PDSS2: variants seen among roughly 807,000 people sequenced by gnomAD.
PDSS2 encodes decaprenyl diphosphate synthase subunit 2.
A neutral mutation model predicts 44.5 loss-of-function variants in PDSS2; 31 were observed. The ratio of observed to expected loss-of-function variants is 0.70; its 90% CI spans 0.52 to 0.94. The LOEUF (loss-of-function observed/expected upper bound fraction) is 0.94, where lower values mean the gene tolerates loss of function less well. PDSS2 is among the 40% of genes least tolerant of loss of function. PDSS2 has a pLI of 0.00. For synonymous variants in PDSS2, 157 were observed against 180.3 expected, an observed-to-expected ratio of 0.87 and a Z score of 1.03; for missense variants, 452 against 482.2, an observed-to-expected ratio of 0.94 and a Z score of 0.59.
intron 1 of PDSS2, among the ~76,000 whole-genome samples, chr6:107,364,942 G>A (rs1384759642): frequency 6.6e-6 from 1 of 152,180 alleles, no homozygotes; most frequent in Non-Finnish European, 1.5e-5. Context: ...TTAAAGTCCT[G>A]GGGGAGGCGG....
intron 2 of PDSS2, among the ~76,000 whole-genome samples, chr6:107,311,786 T>C (rs993416655): frequency 1.3e-5 from 2 of 152,210 alleles, no homozygotes; most frequent in African/African-American, 4.8e-5. Context: ...TGACTGTCCT[T>C]ACCATATAAA....
At chr6:107,373,368 A>C (rs376041115) in intron 1 of PDSS2, among the ~76,000 whole-genome samples, 25 of 149,460 alleles carry the variant, frequency 1.7e-4, no homozygotes, top group African/African-American at 6.1e-4. Context: ...CCAAAAGTTT[A>C]AATAAATAGA....
chr6:107,451,363 T>C (rs1007175049), intron 1 of PDSS2, among the ~76,000 whole-genome samples: 1 of 152,100 alleles, frequency 6.6e-6, no homozygotes, highest in Non-Finnish European at 1.5e-5. Context: ...TCTTGGAAGA[T>C]GTCCGGGATC....
intron 4 of PDSS2, among the ~76,000 whole-genome samples, chr6:107,215,872 C>G (rs1280050540): frequency 6.6e-6 from 1 of 152,154 alleles, no homozygotes; most frequent in Non-Finnish European, 1.5e-5. Context: ...AACGGTGGCT[C>G]ATGCCTGTAA....
intron 1 of PDSS2, among the ~76,000 whole-genome samples, chr6:107,454,993 G>A (rs890665066): frequency 2.6e-5 from 4 of 152,134 alleles, no homozygotes; most frequent in African/African-American, 9.6e-5. Flanking sequence ...AGTTTAGGCT[G>A]TTTAAATAAT....
chr6:107,251,675 C>T (rs1161040518), intron 3 of PDSS2, among the ~76,000 whole-genome samples: 1 of 152,144 alleles, frequency 6.6e-6, no homozygotes, highest in East Asian at 1.9e-4. Context: ...TGGATTTAGT[C>T]TCTTTTGAAA....
intron 1 of PDSS2, among the ~76,000 whole-genome samples, chr6:107,445,585 T>G (rs1420648705): frequency 6.6e-6 from 1 of 152,238 alleles, no homozygotes; most frequent in Non-Finnish European, 1.5e-5. Context: ...CCAGGTCAGA[T>G]GTGTAAGTCT....
chr6:107,287,061 A>C (rs1776180079), intron 2 of PDSS2, among the ~76,000 whole-genome samples: 1 of 152,106 alleles, frequency 6.6e-6, no homozygotes, highest in African/African-American at 2.4e-5. Flanking sequence ...AAAACAAAAA[A>C]AAGGAAAGTA....
intron 7 of PDSS2, among the ~76,000 whole-genome samples, chr6:107,167,329 C>G (rs1239557075): frequency 6.6e-6 from 1 of 152,132 alleles, no homozygotes; most frequent in Non-Finnish European, 1.5e-5. Context: ...GTGATATTCC[C>G]TTTATCATTT....
intron 6 of PDSS2, among the ~76,000 whole-genome samples, chr6:107,202,064 G>A (rs1203632915): frequency 6.6e-6 from 1 of 152,066 alleles, no homozygotes; most frequent in African/African-American, 2.4e-5. Flanking sequence ...TGTCTGACAG[G>A]GTCTCCCTCT....
intron 4 of PDSS2, among the ~76,000 whole-genome samples, chr6:107,231,535 C>T (rs777185371): frequency 6.6e-6 from 1 of 152,194 alleles, no homozygotes; most frequent in Non-Finnish European, 1.5e-5. Flanking sequence ...ATTTCTTTGG[C>T]TTCCAATTTA....
intron 1 of PDSS2, among the ~76,000 whole-genome samples, chr6:107,355,555 T>C (rs1778573531): frequency 6.6e-6 from 1 of 152,196 alleles, no homozygotes; most frequent in Non-Finnish European, 1.5e-5. Flanking sequence ...AAAATAGTCT[T>C]TCTCATAGAG....
chr6:107,286,136 T>TAAAAAAAA (rs1554262539), intron 2 of PDSS2, among the ~76,000 whole-genome samples: 2 of 128,742 alleles, frequency 1.6e-5, no homozygotes, highest in African/African-American at 3.1e-5. Flanking sequence ...CGTCGCAAAA[T>TAAAAAAAA]AAAAAAAAAA....
intron 1 of PDSS2, among the ~76,000 whole-genome samples, chr6:107,349,132 G>T (rs1028737885): frequency 4.6e-5 from 7 of 152,114 alleles, no homozygotes; most frequent in Non-Finnish European, 7.4e-5. Context: ...ATACTTTAGG[G>T]TATATAAATT....
At chr6:107,315,280 T>G (rs1305748112) in intron 2 of PDSS2, among the ~76,000 whole-genome samples, 3 of 152,220 alleles carry the variant, frequency 2.0e-5, no homozygotes, top group Non-Finnish European at 4.4e-5. Flanking sequence ...AAATAAATAT[T>G]GCAAAATAAT....
At chr6:107,346,054 A>T (rs1778236868) in intron 1 of PDSS2, among the ~76,000 whole-genome samples, 1 of 152,260 alleles carries the variant, frequency 6.6e-6, no homozygotes, top group African/African-American at 2.4e-5. Context: ...AAAGAGGATT[A>T]CTATAATAGT....
intron 6 of PDSS2, among the ~76,000 whole-genome samples, chr6:107,209,049 C>T (rs1175817943): frequency 6.6e-6 from 1 of 151,280 alleles, no homozygotes. Flanking sequence ...AATTTTTATT[C>T]TTGAATTGTC....
Position 107,459,510 on chromosome 6 carries a change from C to G in PDSS2, c.-225G>C. 1 of 576,546 alleles carries G rather than the reference C, an allele frequency of 1.7e-6. No homozygotes were observed. The highest frequency in any genetic ancestry group is 3.1e-6 in the Non-Finnish European group (1 of 324,084). 35.7% of individuals were successfully genotyped at this position (576,546 alleles called of 1,614,324 possible). On this transcript the variant is annotated 5_prime_UTR_variant, in exon 1 of 8. Transcript: ENST00000369037. The surrounding 1 kb of genome is among the most constrained non-coding windows in gnomAD (Gnocchi z 4.3). ...CCCAGCTCAGCACTGCCCCCGGCCA[C>G]CCGGGGTAGAAACCACAGCCACTGC...
chr6:107,259,535 C>G (rs561092485), intron 3 of PDSS2, among the ~76,000 whole-genome samples: 2 of 152,034 alleles, frequency 1.3e-5, no homozygotes, highest in East Asian at 3.9e-4. Flanking sequence ...ATTAGCCGGG[C>G]GTGGTGGCAC....
Sources: allele counts gnomAD v4.1 joint callset (sites outside exome capture counted in the v4.1 genomes callset), GRCh38; gene constraint gnomAD v4.1.1; non-coding constraint Gnocchi (gnomAD v3.1); transcripts MANE v1.5; gene names NCBI Gene and HGNC (gene_info 2026-07-23, HGNC 2026-07-21).